RHOU: variants seen among roughly 807,000 people sequenced by gnomAD.
The protein encoded by RHOU is ras homolog family member U.
RHOU carries 8 observed loss-of-function variants against 12.6 expected under a neutral mutation model. The ratio of observed to expected loss-of-function variants is 0.64; its 90% confidence interval spans 0.37 to 1.15. The LOEUF is 1.15. Ranked by LOEUF, RHOU falls within the 50% of genes most tolerant of loss-of-function variation. The pLI, the probability that RHOU is intolerant of heterozygous loss-of-function variation, is 0.01. For missense variants in RHOU, 258 were observed against 347.0 expected, an observed-to-expected ratio of 0.74 and a Z score of 2.04; for synonymous variants, 161 against 147.4, an observed-to-expected ratio of 1.09 and a Z score of -0.67.
chr1:228,719,619 A>G, the RHOU span, among the ~76,000 whole-genome samples: 3 of 152,156 alleles, frequency 2.0e-5, no homozygotes, highest in Non-Finnish European at 4.4e-5. Flanking sequence ...AATCCCAGCT[A>G]CTTGGGAGGC....
the RHOU span, among the ~76,000 whole-genome samples, chr1:228,664,178 C>T: frequency 1.3e-5 from 2 of 150,914 alleles, no homozygotes; most frequent in Non-Finnish European, 2.9e-5. Context: ...CCACCAGGCT[C>T]GGCTAATTTT....
the RHOU span, among the ~76,000 whole-genome samples, chr1:228,659,631 G>T: frequency 7.3e-5 from 11 of 151,088 alleles, no homozygotes; most frequent in Admixed American, 6.6e-5. Context: ...AAAGAGAGAA[G>T]ACTCAAATTA....
chr1:228,730,688 A>G (rs1662477654), upstream of RHOU, among the ~76,000 whole-genome samples: 1 of 152,224 alleles, frequency 6.6e-6, no homozygotes, highest in Non-Finnish European at 1.5e-5. Context: ...AGGGTATTGA[A>G]AAAACTAGGG....
chr1:228,692,758 T>C, the RHOU span, among the ~76,000 whole-genome samples: 1 of 152,032 alleles, frequency 6.6e-6, no homozygotes. Flanking sequence ...TTACAACGTT[T>C]ATGGATGTGC....
chr1:228,677,667 C>T, the RHOU span, among the ~76,000 whole-genome samples: 10 of 151,990 alleles, frequency 6.6e-5, no homozygotes, highest in Non-Finnish European at 8.8e-5. Flanking sequence ...GGCATAAGAA[C>T]GGGAACCAGA....
At chr1:228,666,323 T>C in the RHOU span, among the ~76,000 whole-genome samples, 1 of 152,214 alleles carries the variant, frequency 6.6e-6, no homozygotes, top group Non-Finnish European at 1.5e-5. Context: ...TTGTTGTACA[T>C]AGTCATGAGG....
chr1:228,655,639 G>A, the RHOU span, among the ~76,000 whole-genome samples: 4 of 152,188 alleles, frequency 2.6e-5, no homozygotes, highest in Admixed American at 6.5e-5. Context: ...TGCTAGTCGC[G>A]ATTCATTTCC....
chr1:228,745,611 G>GTTGAATAA lies in RHOU; in HGVS notation c.*1872_*1873insTGAATAAT, dbSNP rs1662816160. Reference sequence around the variant, plus strand: ...ATTCAACACATTGGAATTGATGTCGGTCATAGTTTCCTGAAGCATTTAGTT... The same window carrying GTTGAATAA: ...ATTCAACACATTGGAATTGATGTCGGTTGAATAATCATAGTTTCCTGAAGCATTTAGTT... On this transcript the variant is annotated 3_prime_UTR_variant, in exon 3 of 3. Transcript: ENST00000366691. 2.6e-5 allele frequency: 4 copies of GTTGAATAA among 152,234 alleles called. No individual in the cohort carries two copies. In the East Asian group the frequency reaches 7.7e-4, roughly 29 times the overall value. 9.4% of individuals were successfully genotyped at this position (152,234 alleles called of 1,614,324 possible). A position where few individuals can be genotyped will look rare whatever the true frequency, so the allele number is the denominator to read the frequency against.
At chr1:228,685,957 T>G in the RHOU span, among the ~76,000 whole-genome samples, 162 of 152,342 alleles carry the variant, frequency 1.1e-3, no homozygotes, top group African/African-American at 3.8e-3. Flanking sequence ...AATTTTATTC[T>G]GATCAGAGTT....
the RHOU span, among the ~76,000 whole-genome samples, chr1:228,715,858 T>C: frequency 6.6e-6 from 1 of 151,986 alleles, no homozygotes; most frequent in African/African-American, 2.4e-5. Context: ...TTTGATGTGA[T>C]TCATGATAGA....
At chr1:228,646,917 G>A in the RHOU span, among the ~76,000 whole-genome samples, 24 of 152,154 alleles carry the variant, frequency 1.6e-4, no homozygotes, top group South Asian at 4.2e-4. Flanking sequence ...GAGAGAGACC[G>A]GAGAGGTGGA....
the RHOU span, among the ~76,000 whole-genome samples, chr1:228,683,583 A>G: frequency 6.6e-6 from 1 of 151,844 alleles, no homozygotes; most frequent in African/African-American, 2.4e-5. Context: ...TAAAGAAAAA[A>G]CCCCCACAAA....
At chr1:228,722,843 G>C in the RHOU span, among the ~76,000 whole-genome samples, 1 of 152,042 alleles carries the variant, frequency 6.6e-6, no homozygotes, top group South Asian at 2.1e-4. Flanking sequence ...GGATGGTCTC[G>C]ATCTCCTGAC....
At chr1:228,690,299 C>T in the RHOU span, among the ~76,000 whole-genome samples, 2 of 151,644 alleles carry the variant, frequency 1.3e-5, no homozygotes, top group African/African-American at 4.8e-5. Flanking sequence ...ACTTGAGAGA[C>T]CAAATGCTGA....
chr1:228,724,582 G>T, the RHOU span, among the ~76,000 whole-genome samples: 3 of 152,114 alleles, frequency 2.0e-5, no homozygotes, highest in Non-Finnish European at 4.4e-5. Context: ...CTCCCAAAGT[G>T]CTGGAATTAC....
chr1:228,683,321 C>G, the RHOU span, among the ~76,000 whole-genome samples: 1 of 152,160 alleles, frequency 6.6e-6, no homozygotes, highest in Admixed American at 6.5e-5. Context: ...CCCCTAGCAT[C>G]CTGTTTGCAT....
chr1:228,671,106 G>A, the RHOU span, among the ~76,000 whole-genome samples: 4 of 152,294 alleles, frequency 2.6e-5, no homozygotes, highest in East Asian at 5.8e-4. Flanking sequence ...CCGGGTTCAA[G>A]TGATTCTCCT....
At chr1:228,678,293 A>G in the RHOU span, among the ~76,000 whole-genome samples, 3 of 152,178 alleles carry the variant, frequency 2.0e-5, no homozygotes, top group Non-Finnish European at 2.9e-5. Context: ...GGCTGGAAGG[A>G]GATATTTTCC....
the RHOU span, among the ~76,000 whole-genome samples, chr1:228,676,102 A>G: frequency 1.3e-5 from 2 of 151,980 alleles, no homozygotes; most frequent in South Asian, 2.1e-4. Context: ...ATTTAGTTCC[A>G]AGGGGAGTGA....
Sources: allele counts gnomAD v4.1 joint callset (sites outside exome capture counted in the v4.1 genomes callset), GRCh38; gene constraint gnomAD v4.1.1; transcripts MANE v1.5; gene names NCBI Gene and HGNC (gene_info 2026-07-23, HGNC 2026-07-21).